Variants in NFIB observed in about 807,000 individuals in gnomAD.
NFIB encodes the protein nuclear factor I B.
NFIB carries 11 observed loss-of-function variants against 61.5 expected under a neutral mutation model. The ratio of observed to expected loss-of-function variants is 0.18; its 90% confidence interval spans 0.11 to 0.30. The LOEUF (loss-of-function observed/expected upper bound fraction) is 0.30, where lower values mean the gene tolerates loss of function less well. Ranked by LOEUF, NFIB falls within the 10% of genes least tolerant of loss-of-function variation. The pLI is 1.00. For synonymous variants in NFIB, 260 were observed against 216.5 expected, an observed-to-expected ratio of 1.20 and a Z score of -1.76; for missense variants, 471 against 608.9, an observed-to-expected ratio of 0.77 and a Z score of 2.38.
At chr9:14,360,153 C>A (rs1377087696) in intron 1 of NFIB, among the ~76,000 whole-genome samples, 1 of 152,246 alleles carries the variant, frequency 6.6e-6, no homozygotes, top group African/African-American at 2.4e-5. Context: ...AAACAGTGAA[C>A]AACTTAAGAC....
intron 2 of NFIB, among the ~76,000 whole-genome samples, chr9:14,183,303 G>A (rs2047004548): frequency 6.6e-6 from 1 of 152,186 alleles, no homozygotes; most frequent in Non-Finnish European, 1.5e-5. Flanking sequence ...ATACCAGCCA[G>A]TTGATGAAAA....
At chr9:14,493,761 G>C in the NFIB span, among the ~76,000 whole-genome samples, 1 of 152,134 alleles carries the variant, frequency 6.6e-6, no homozygotes, top group African/African-American at 2.4e-5. Flanking sequence ...AAATATGAAA[G>C]ACTTTCTTTA....
chr9:14,382,345 T>TGAGAGAGA (rs111564800), intron 1 of NFIB, among the ~76,000 whole-genome samples: 4 of 149,420 alleles, frequency 2.7e-5, no homozygotes, highest in African/African-American at 7.4e-5. Context: ...CAGAAAGTGA[T>TGAGAGAGA]GAGAGAGAGA....
chr9:14,209,626 A>G (rs942320541), intron 2 of NFIB, among the ~76,000 whole-genome samples: 1 of 152,228 alleles, frequency 6.6e-6, no homozygotes, highest in Admixed American at 6.5e-5. Flanking sequence ...CACTTTGGAT[A>G]TGGTATTGGT....
chr9:14,292,925 A>T (rs997209925), intron 2 of NFIB, among the ~76,000 whole-genome samples: 4 of 152,236 alleles, frequency 2.6e-5, no homozygotes, highest in African/African-American at 7.2e-5. Context: ...AACAAAAAAA[A>T]TTATCGTCAT....
chr9:14,185,497 T>C (rs1192585664), intron 2 of NFIB, among the ~76,000 whole-genome samples: 1 of 152,178 alleles, frequency 6.6e-6, no homozygotes. Context: ...GTGCATAATG[T>C]TCCCCCTTTT....
chr9:14,285,294 T>C (rs1399690756), intron 2 of NFIB, among the ~76,000 whole-genome samples: 1 of 152,096 alleles, frequency 6.6e-6, no homozygotes, highest in Non-Finnish European at 1.5e-5. Context: ...GGCTAATTTT[T>C]GTATTTTTAG....
At chr9:14,306,013 T>C (rs1563994514) in intron 2 of NFIB, 1 of 1,185,650 alleles carries the variant, frequency 8.4e-7, no homozygotes, top group South Asian at 1.9e-5. Flanking sequence ...GAAAAGAAAT[T>C]CTTACCTACT....
At chr9:14,335,021 CT>C (rs2060868882) in intron 1 of NFIB, among the ~76,000 whole-genome samples, 1 of 152,116 alleles carries the variant, frequency 6.6e-6, no homozygotes, top group Non-Finnish European at 1.5e-5. Context: ...TAGTTCATTT[CT>C]TTTTATTACT....
chr9:14,530,588 G>A, the NFIB span, among the ~76,000 whole-genome samples: 392 of 152,248 alleles, frequency 2.6e-3, 2 homozygotes, highest in Middle Eastern at 0.031. Flanking sequence ...AAGCTTCCCT[G>A]AACGTTGAGC....
intron 2 of NFIB, among the ~76,000 whole-genome samples, chr9:14,241,916 T>C (rs1206381543): frequency 2.0e-5 from 3 of 152,212 alleles, no homozygotes; most frequent in African/African-American, 4.8e-5. Flanking sequence ...AGATTCTTTA[T>C]ATACATAAGA....
intron 2 of NFIB, among the ~76,000 whole-genome samples, chr9:14,292,960 TAAAA>T (rs1325529187): frequency 6.6e-6 from 1 of 152,248 alleles, no homozygotes; most frequent in Non-Finnish European, 1.5e-5. Context: ...AAACTGAAAT[TAAAA>T]GAAAGAATAG....
chr9:14,392,540 C>A (rs948919079), intron 1 of NFIB, among the ~76,000 whole-genome samples: 1 of 152,108 alleles, frequency 6.6e-6, no homozygotes, highest in African/African-American at 2.4e-5. Context: ...CCGACCTGGG[C>A]AACATGGTGA....
intron 1 of NFIB, among the ~76,000 whole-genome samples, chr9:14,326,561 G>T (rs1296352554): frequency 6.6e-6 from 1 of 152,160 alleles, no homozygotes; most frequent in Non-Finnish European, 1.5e-5. Flanking sequence ...TCAAAAACCT[G>T]AGATGGTGGT....
the NFIB span, among the ~76,000 whole-genome samples, chr9:14,493,496 T>C: frequency 6.6e-6 from 1 of 152,338 alleles, no homozygotes; most frequent in African/African-American, 2.4e-5. Context: ...AATTCTCCCA[T>C]AATAGCATCA....
At chr9:14,345,205 G>A (rs521145) in intron 1 of NFIB, among the ~76,000 whole-genome samples, 7,217 of 152,144 alleles carry the variant, frequency 0.047, 579 homozygotes, top group African/African-American at 0.16. Flanking sequence ...TAAGAGAAAG[G>A]GGCATCTCCA....
Position 14,313,567 on chromosome 9 carries a change from A to C in NFIB, c.-56T>G. ...ATGCCCAAGAAAATCTTCGAGAAGC[A>C]AGAATTTCATCTATTCATTTTACAG... On this transcript the variant is annotated 5_prime_UTR_variant, in exon 1 of 11. Coordinates refer to ENST00000380953, the MANE Select transcript of NFIB (RefSeq NM_001190737.2). This position sits in a 1 kb window ranked among gnomAD's most constrained non-coding sequence, Gnocchi z 4.5. The C allele has an allele frequency of 6.2e-7, 1 of 1,612,580 alleles. No individual in the cohort carries two copies. Among genetic ancestry groups the C allele is most frequent in the Non-Finnish European group, 8.5e-7 (1 of 1,179,290 alleles).
chr9:14,174,705 T>A lies in NFIB; in HGVS notation c.616+5022A>T, dbSNP rs1259050479. 4.8e-5 allele frequency among the ~76,000 whole-genome samples: 7 copies of A among 146,922 alleles called. No individual in the cohort carries two copies. The East Asian group carries it at 1.2e-3, about 26-fold the overall frequency. On this transcript the variant is annotated intron_variant, in intron 3 of 10. Transcript: ENST00000380953. ...TTGCTTGAACCCGGGAGGCAGAGGT[T>A]GCAGTGAGCCGAGATCACGCCACTG...
Position 14,150,240 on chromosome 9 carries a change from G to A in NFIB, c.711C>T (p.Val237=). The change falls in exon 5 of 11, where the codon GTC becomes GTT. Residue 237 remains valine (V), a synonymous_variant. Coordinates refer to ENST00000380953, the MANE Select transcript of NFIB (RefSeq NM_001190737.2). The part of the protein sequence containing the change: ...SRTPITQGTG[V]NFPIGEIPSQ... ...TTGGGATTTCTCCAATTGGGAAGTT[G>A]ACTCCAGTTCCCTGGGTTATGGGCG... 1 of 1,613,456 alleles carries A rather than the reference G, an allele frequency of 6.2e-7. No homozygotes were observed. Among genetic ancestry groups the A allele is most frequent in the Non-Finnish European group, 8.5e-7 (1 of 1,179,526 alleles).
Sources: gnomAD v4.1 joint callset for allele counts (sites outside exome capture counted in the v4.1 genomes callset) on GRCh38, gnomAD v4.1.1 for gene constraint, Gnocchi (gnomAD v3.1) non-coding constraint, MANE v1.5 for transcripts, NCBI Gene and HGNC (gene_info 2026-07-23, HGNC 2026-07-21) for gene names.